OR51B5: variants seen among roughly 807,000 people sequenced by gnomAD.
OR51B5 encodes olfactory receptor 51B5.
For missense variants in OR51B5, 456 were observed against 374.6 expected (o/e 1.22, Z -1.79); for synonymous variants, 186 against 144.8 (o/e 1.28, Z -2.04).
intron 1 of OR51B5, chr11:5,403,126 C>G (rs774540577): frequency 1.1e-5 from 5 of 471,228 alleles, no homozygotes; most frequent in Non-Finnish European, 2.2e-5. Flanking sequence ...CCACAATGCC[C>G]TCTCACATTC....
At chr11:5,451,692 G>C (rs1186139841) in intron 1 of OR51B5, among the ~76,000 whole-genome samples, 1 of 152,154 alleles carries the variant, frequency 6.6e-6, no homozygotes, top group African/African-American at 2.4e-5. Flanking sequence ...ATATGTTCCT[G>C]GGTCCCCTTT....
chr11:5,420,649 T>G lies in OR51B5; in HGVS notation n.85-73739A>C, dbSNP rs984556997. Among the ~76,000 whole-genome samples the G allele has an allele frequency of 3.1e-5, 4 of 130,250 alleles. No individual in the cohort carries two copies. The East Asian group carries it at 6.4e-4, about 21-fold the overall frequency. The allele number at this position is 130,250 out of a possible 152,430, so 85.4% of individuals were successfully genotyped here. ...TGTGATTCTTGTCTATTGCTGCTAT[T>G]TACAAAGTCTTCACAAAGGAAAGAT... On this transcript the variant is annotated intron_variant and non_coding_transcript_variant, in intron 1 of 4. Coordinates refer to the OR51B5 transcript ENST00000415970.
intron 1 of OR51B5, among the ~76,000 whole-genome samples, chr11:5,437,071 T>C (rs1207732965): frequency 1.3e-5 from 2 of 152,052 alleles, no homozygotes; most frequent in African/African-American, 4.8e-5. Context: ...GATCTTACCT[T>C]GGGAATAAAA....
At chr11:5,372,539 C>G (rs1849462922) in intron 1 of OR51B5, among the ~76,000 whole-genome samples, 1 of 152,154 alleles carries the variant, frequency 6.6e-6, no homozygotes, top group South Asian at 2.1e-4. Context: ...TTTCATATGC[C>G]TGCTGACCAT....
At position 5,363,237 on chromosome 11, in the gene OR51B5, TCACACACACACACACACACACACACA is replaced by T. The variant is rs3219794; in HGVS notation, n.85-16353_85-16328del. On this transcript the variant is annotated intron_variant and non_coding_transcript_variant, in intron 1 of 4. Coordinates refer to the OR51B5 transcript ENST00000415970. ...GTTTCCCCACAACGAACCCAACCCCTCACACACACACACACACACACACACACACACACACACACACACACACACCG... is the reference window on the plus strand; with the variant it reads ...GTTTCCCCACAACGAACCCAACCCCTCACACACACACACACACACACACCG... Among the ~76,000 whole-genome samples the T allele has an allele frequency of 2.6e-3, 369 of 143,110 alleles. 6 individuals are homozygous for T. The highest frequency in any genetic ancestry group is 8.2e-3 in the African/African-American group (315 of 38,460). The allele number at this position is 143,110 out of a possible 152,430, so 93.9% of individuals were successfully genotyped here. A position where few individuals can be genotyped will look rare whatever the true frequency, so the allele number is the denominator to read the frequency against.
chr11:5,437,213 C>T (rs1057090862), intron 1 of OR51B5, among the ~76,000 whole-genome samples: 70 of 152,022 alleles, frequency 4.6e-4, no homozygotes, highest in Non-Finnish European at 9.0e-4. Context: ...CATAGCAACA[C>T]CCCCCACAGT....
chr11:5,346,488 A>T (rs199531425), upstream of OR51B5: 130 of 80,090 alleles, frequency 1.6e-3, no homozygotes, highest in African/African-American at 3.9e-3. Context: ...ATAAACTTCT[A>T]ACATTTACAG....
At chr11:5,380,094 T>C (rs1849587769) in intron 1 of OR51B5, among the ~76,000 whole-genome samples, 1 of 152,004 alleles carries the variant, frequency 6.6e-6, no homozygotes, top group South Asian at 2.1e-4. Context: ...GGAGAAGAGA[T>C]GGTTTCCCAA....
At chr11:5,385,672 G>GTT (rs1849678079) in intron 1 of OR51B5, among the ~76,000 whole-genome samples, 1 of 150,848 alleles carries the variant, frequency 6.6e-6, no homozygotes, top group African/African-American at 2.4e-5. Context: ...TAAAGAATAC[G>GTT]TATAAATACT....
intron 1 of OR51B5, among the ~76,000 whole-genome samples, chr11:5,500,758 A>C (rs1224745139): frequency 6.8e-6 from 1 of 147,984 alleles, no homozygotes. Context: ...TGACCAATGA[A>C]CTTTTGTTTC....
rs1015604748 is a variant in OR51B5, at chr11:5,500,598, G to A, written n.84+4971C>T. ...CAAAACCACACCTTGCAATTAAGCC[G>A]CTTCGACGAGGACATCTTTCCAGTA... is the stretch of plus-strand genomic sequence containing the variant. On this transcript the variant is annotated intron_variant and non_coding_transcript_variant, in intron 1 of 4. Transcript: ENST00000415970. Among the ~76,000 whole-genome samples, 10 of 147,914 alleles carry A rather than the reference G, an allele frequency of 6.8e-5. 1 individual carries two copies. The highest frequency in any genetic ancestry group is 2.1e-4 in the South Asian group (1 of 4,690).
chr11:5,344,215 C>A (rs1424032755), upstream of OR51B5, among the ~76,000 whole-genome samples: 1 of 152,192 alleles, frequency 6.6e-6, no homozygotes, highest in African/African-American at 2.4e-5. Context: ...ATAGCTCAGT[C>A]TAATTATAAG....
rs371190479 is a variant in OR51B5, at chr11:5,422,412, C to A, written n.85-75502G>T. On this transcript the variant is annotated intron_variant and non_coding_transcript_variant, in intron 1 of 4. Coordinates refer to the OR51B5 transcript ENST00000415970. ...CTGTTTCTCTCCATGCTGGCCCTGA[C>A]GGACCTGGGTCTCACCCTCACCACC... The A allele has an allele frequency of 2.5e-6, 4 of 1,613,990 alleles. No individual in the cohort carries two copies. The African/African-American group carries it at 4.0e-5, about 16-fold the overall frequency.
rs7941229 is a variant in OR51B5, at chr11:5,384,782, C to T, written n.85-37872G>A. 2.9e-3 allele frequency among the ~76,000 whole-genome samples: 443 copies of T among 152,336 alleles called. 1 individual carries two copies. The highest frequency in any genetic ancestry group is 0.01 in the African/African-American group (419 of 41,574). Reference sequence around the variant, plus strand: ...CTCAATCTGCTTATTTTAATCCAAACAACACCTTGTAACTTCCCCAGTATC... The same window carrying T: ...CTCAATCTGCTTATTTTAATCCAAATAACACCTTGTAACTTCCCCAGTATC... On this transcript the variant is annotated intron_variant and non_coding_transcript_variant, in intron 1 of 4. Transcript: ENST00000415970.
chr11:5,467,185 C>A (rs1339978178), intron 1 of OR51B5, among the ~76,000 whole-genome samples: 1 of 152,118 alleles, frequency 6.6e-6, no homozygotes, highest in East Asian at 1.9e-4. Flanking sequence ...CAGATTTTTG[C>A]TTAGTATACA....
In OR51B5 at chr11:5,484,569, A is replaced by G. The variant is rs537685646; in HGVS notation, n.84+21000T>C. ...AACCATCTAGTGTCATCACTAAAAA[A>G]TATCAGTGCAATGCATTATGATAAT... On this transcript the variant is annotated intron_variant and non_coding_transcript_variant, in intron 1 of 4. Transcript: ENST00000415970. Among the ~76,000 whole-genome samples, 3 of 152,336 alleles carry G rather than the reference A, an allele frequency of 2.0e-5. No homozygotes were observed. The South Asian group carries it at 6.2e-4, about 32-fold the overall frequency.
intron 1 of OR51B5, among the ~76,000 whole-genome samples, chr11:5,493,634 T>C (rs764678001): frequency 1.2e-4 from 19 of 152,110 alleles, no homozygotes; most frequent in Non-Finnish European, 2.9e-5. Context: ...AAGCAGAAAA[T>C]AGTAAGTCTC....
chr11:5,390,550 T>G, intron 1 of OR51B5: 1 of 599,248 alleles, frequency 1.7e-6, no homozygotes, highest in Non-Finnish European at 2.8e-6. Flanking sequence ...GAACTTCTCT[T>G]GCTTAGATTT....
At chr11:5,384,407 A>G (rs369510500) in intron 1 of OR51B5, among the ~76,000 whole-genome samples, 184 of 152,286 alleles carry the variant, frequency 1.2e-3, no homozygotes, top group African/African-American at 4.2e-3. Context: ...ATCTCTTCTG[A>G]TATTCTCAGA....
Sources: allele counts gnomAD v4.1 joint callset (sites outside exome capture counted in the v4.1 genomes callset), GRCh38; gene constraint gnomAD v4.1.1; transcripts MANE v1.5; gene names NCBI Gene and HGNC (gene_info 2026-07-23, HGNC 2026-07-21).